The following MB21D2 variants were observed in gnomAD, a reference collection of about 807,000 sequenced individuals.
MB21D2 encodes the protein nucleotidyltransferase MB21D2.
Under a neutral mutation model 33.3 loss-of-function variants are expected in MB21D2, and 9 were observed. That is an observed-to-expected ratio of 0.27 (90% confidence interval 0.16 to 0.47). The LOEUF is 0.47. MB21D2 is among the 20% of genes least tolerant of loss of function. The pLI, the probability that MB21D2 is intolerant of heterozygous loss-of-function variation, is 0.99. For synonymous variants in MB21D2, 241 were observed against 236.3 expected (o/e 1.02, Z -0.18); for missense variants, 540 against 624.6 (o/e 0.86, Z 1.44).
At chr3:192,813,300 A>ATT (rs59125169) in intron 1 of MB21D2, among the ~76,000 whole-genome samples, 2 of 43,078 alleles carry the variant, frequency 4.6e-5, no homozygotes, top group Non-Finnish European at 6.4e-5. Flanking sequence ...ACTGCAGTTA[A>ATT]TTTTTTTTTT....
At chr3:192,857,933 T>C (rs1712954228) in intron 1 of MB21D2, among the ~76,000 whole-genome samples, 1 of 152,166 alleles carries the variant, frequency 6.6e-6, no homozygotes, top group Non-Finnish European at 1.5e-5. Flanking sequence ...GAGACCAGCC[T>C]GGCCAACATG....
chr3:192,861,793 A>G (rs558750501), intron 1 of MB21D2, among the ~76,000 whole-genome samples: 1 of 152,300 alleles, frequency 6.6e-6, no homozygotes, highest in African/African-American at 2.4e-5. Context: ...CAACAAGAGC[A>G]AAACTCCATC....
chr3:192,872,575 CAAA>C (rs35532898), intron 1 of MB21D2, among the ~76,000 whole-genome samples: 13 of 127,798 alleles, frequency 1.0e-4, no homozygotes, highest in Non-Finnish European at 1.0e-4. Flanking sequence ...GACTCCGTCT[CAAA>C]AAAAAAAAAA....
chr3:192,841,170 A>C (rs1027224949), intron 1 of MB21D2, among the ~76,000 whole-genome samples: 1 of 152,248 alleles, frequency 6.6e-6, no homozygotes, highest in African/African-American at 2.4e-5. Flanking sequence ...GAAGTAAGGG[A>C]ACCACACAGT....
chr3:192,905,191 T>G (rs1468259868), intron 1 of MB21D2, among the ~76,000 whole-genome samples: 1 of 152,250 alleles, frequency 6.6e-6, no homozygotes, highest in South Asian at 2.1e-4. Flanking sequence ...ACTTACAGTC[T>G]GCCTCACTCA....
In MB21D2 at chr3:192,799,365, G is replaced by A. The variant is rs768590208; in HGVS notation, c.497C>T (p.Thr166Ile). 3 of 1,614,226 alleles carry A rather than the reference G, an allele frequency of 1.9e-6. No individual in the cohort carries two copies. The highest frequency in any genetic ancestry group is 2.5e-6 in the Non-Finnish European group (3 of 1,180,034). The change falls in exon 2 of 2, where the codon ACC becomes ATC. Residue 166 changes from threonine to isoleucine, a missense_variant. By Grantham distance (89) the Thr-to-Ile change is moderately conservative. Coordinates refer to ENST00000392452, the MANE Select transcript of MB21D2 (RefSeq NM_178496.4). This position sits in a 1 kb window ranked among gnomAD's most constrained non-coding sequence, Gnocchi z 4.1. ...GTISKWKDCC[T>I]IVDHINGATN... ...GGCACCATTGATGTGATCTACAATG[G>A]TGCAGCAGTCTTTCCATTTACTGAT...
At chr3:192,829,614 G>T (rs931679472) in intron 1 of MB21D2, among the ~76,000 whole-genome samples, 13 of 152,118 alleles carry the variant, frequency 8.5e-5, no homozygotes, top group African/African-American at 2.9e-4. Flanking sequence ...GTTTATGTTT[G>T]TATGTATGTA....
At position 192,799,012 on chromosome 3, in the gene MB21D2, CCTT is replaced by C. The variant is rs1274574372; in HGVS notation, c.847_849del (p.Lys283del). On this transcript the variant is annotated inframe_deletion, in exon 2 of 2. Transcript: ENST00000392452. The surrounding 1 kb of genome is among the most constrained non-coding windows in gnomAD (Gnocchi z 4.1). ...GCAAAGGACAGCCGCCATTCATTGT[CCTT>C]CTTACCCTTGTAGGAGCAAGCAGGC... 5 of 1,614,096 alleles carry C rather than the reference CCTT, an allele frequency of 3.1e-6. No individual in the cohort carries two copies. The highest frequency in any genetic ancestry group is 4.2e-6 in the Non-Finnish European group (5 of 1,180,032).
intron 1 of MB21D2, among the ~76,000 whole-genome samples, chr3:192,903,889 T>C (rs1714153138): frequency 6.6e-6 from 1 of 152,224 alleles, no homozygotes; most frequent in African/African-American, 2.4e-5. Flanking sequence ...GCTGCCATTT[T>C]ACTTCCATCA....
chr3:192,869,299 G>A (rs117093435), intron 1 of MB21D2, among the ~76,000 whole-genome samples: 141 of 116,552 alleles, frequency 1.2e-3, no homozygotes, highest in African/African-American at 4.1e-3. Context: ...GGGAGGAGGG[G>A]AGGAGGGAAG....
Position 192,887,858 on chromosome 3 carries a change from T to C in MB21D2, c.211+29772A>G, listed in dbSNP as rs912509240. Among the ~76,000 whole-genome samples the C allele has an allele frequency of 4.6e-5, 7 of 152,022 alleles. 1 individual carries two copies. Among genetic ancestry groups the C allele is most frequent in the African/African-American group, 1.5e-4 (6 of 41,342 alleles). On this transcript the variant is annotated intron_variant, in intron 1 of 1. Coordinates refer to ENST00000392452, the MANE Select transcript of MB21D2 (RefSeq NM_178496.4). ...TGTGCATCTGAGTCACCCTGGGACC[T>C]TGTGGAGATGCAGTTTCTCTTCAGT... is the stretch of plus-strand genomic sequence containing the variant.
chr3:192,894,553 G>T (rs545919910), intron 1 of MB21D2, among the ~76,000 whole-genome samples: 1 of 152,256 alleles, frequency 6.6e-6, no homozygotes, highest in African/African-American at 2.4e-5. Flanking sequence ...TTAATAGGGA[G>T]GCAACAGGTA....
At chr3:192,861,894 A>G (rs1052672538) in intron 1 of MB21D2, among the ~76,000 whole-genome samples, 1 of 152,224 alleles carries the variant, frequency 6.6e-6, no homozygotes, top group Non-Finnish European at 1.5e-5. Flanking sequence ...TTATCATGCA[A>G]GGTGCAATGA....
At chr3:192,871,954 A>G (rs1488342529) in intron 1 of MB21D2, among the ~76,000 whole-genome samples, 1 of 152,150 alleles carries the variant, frequency 6.6e-6, no homozygotes, top group Non-Finnish European at 1.5e-5. Flanking sequence ...TGAAACAGAA[A>G]AACCACCGGT....
intron 1 of MB21D2, among the ~76,000 whole-genome samples, chr3:192,915,664 A>G (rs1345493568): frequency 2.6e-5 from 4 of 152,244 alleles, no homozygotes; most frequent in African/African-American, 9.6e-5. Flanking sequence ...AATGCCACCC[A>G]TGGCATTAAA....
At chr3:192,874,547 T>G (rs928722477) in intron 1 of MB21D2, among the ~76,000 whole-genome samples, 1 of 152,222 alleles carries the variant, frequency 6.6e-6, no homozygotes, top group Non-Finnish European at 1.5e-5. Flanking sequence ...TTATCCTGTA[T>G]GTATAGTTGC....
intron 1 of MB21D2, among the ~76,000 whole-genome samples, chr3:192,872,563 G>A (rs1334139398): frequency 9.7e-5 from 13 of 133,388 alleles, no homozygotes; most frequent in African/African-American, 1.9e-4. Flanking sequence ...GCCACAGAGC[G>A]AGACTCCGTC....
intron 1 of MB21D2, among the ~76,000 whole-genome samples, chr3:192,834,605 A>C (rs1577177546): frequency 6.6e-6 from 1 of 151,854 alleles, no homozygotes; most frequent in East Asian, 1.9e-4. Flanking sequence ...GCCCCTCCCA[A>C]GTCCTTCACA....
intron 1 of MB21D2, among the ~76,000 whole-genome samples, chr3:192,810,742 T>C (rs1306384881): frequency 3.9e-5 from 6 of 152,230 alleles, no homozygotes; most frequent in Non-Finnish European, 8.8e-5. Context: ...CCCATAAACA[T>C]CACTTTCTCA....
Sources: allele counts gnomAD v4.1 joint callset (sites outside exome capture counted in the v4.1 genomes callset), GRCh38; gene constraint gnomAD v4.1.1; non-coding constraint Gnocchi (gnomAD v3.1); transcripts MANE v1.5; gene names NCBI Gene and HGNC (gene_info 2026-07-23, HGNC 2026-07-21).